The following TTC28 variants were observed in gnomAD, a reference collection of about 807,000 sequenced individuals.
TTC28 encodes the protein tetratricopeptide repeat domain 28.
In TTC28, 61 loss-of-function variants were observed where a neutral mutation model predicts 198.0. The ratio of observed to expected loss-of-function variants is 0.31; its 90% CI spans 0.25 to 0.38. TTC28 has a LOEUF of 0.38. TTC28 is among the 10% of genes least tolerant of loss of function. TTC28 has a pLI of 1.00. For missense variants in TTC28, 2,678 were observed against 3,164.0 expected (o/e 0.85, Z 3.69); for synonymous variants, 1,171 against 1,297.8 (o/e 0.90, Z 2.10).
In TTC28 at chr22:28,502,456, C is replaced by T. The variant is rs569262583; in HGVS notation, c.381+127096G>A. Among the ~76,000 whole-genome samples, 9 of 147,780 alleles carry T rather than the reference C, an allele frequency of 6.1e-5. No homozygotes were observed. The South Asian group carries it at 1.3e-3, about 22-fold the overall frequency. On this transcript the variant is annotated intron_variant, in intron 2 of 22. Coordinates refer to ENST00000397906, the MANE Select transcript of TTC28 (RefSeq NM_001145418.2). The stretch of plus-strand genomic sequence containing the variant: ...GAGATCGAGACCATCCTGGCTAACA[C>T]GGTGAAACCCTGTCTCTACTAAAAA...
At chr22:28,332,606 C>T (rs2045634384) in intron 2 of TTC28, among the ~76,000 whole-genome samples, 1 of 152,002 alleles carries the variant, frequency 6.6e-6, no homozygotes, top group African/African-American at 2.4e-5. Flanking sequence ...CATGGTGAAA[C>T]AAGAGAACCA....
intron 2 of TTC28, among the ~76,000 whole-genome samples, chr22:28,501,594 G>A (rs1046512714): frequency 2.6e-5 from 4 of 152,064 alleles, no homozygotes; most frequent in Admixed American, 2.6e-4. Flanking sequence ...CAAGGTAATA[G>A]ATATCCCAAA....
chr22:28,520,503 A>C lies in TTC28; in HGVS notation c.381+109049T>G, dbSNP rs73882774. On this transcript the variant is annotated intron_variant, in intron 2 of 22. Transcript: ENST00000397906. ...AACTACTGATTTCAGGTAGGATAGA[A>C]TCATCTGTGGCAGACCAACTCACCT... 3.2e-3 allele frequency among the ~76,000 whole-genome samples: 480 copies of C among 152,336 alleles called. 6 individuals are homozygous for C. Among genetic ancestry groups the C allele is most frequent in the African/African-American group, 0.011 (458 of 41,572 alleles).
Position 28,004,503 on chromosome 22 carries a change from A to G in TTC28, c.4219-2950T>C, listed in dbSNP as rs147907741. Among the ~76,000 whole-genome samples the G allele has an allele frequency of 4.2e-3, 640 of 152,276 alleles. 1 individual carries two copies. The highest frequency in any genetic ancestry group is 0.014 in the Middle Eastern group (4 of 294). ...GCTGTTCTCTGAACCTCATATCCCAATTTGGAGGTCTGGGTCCTCCCTGCA... is the reference window on the plus strand; with the variant it reads ...GCTGTTCTCTGAACCTCATATCCCAGTTTGGAGGTCTGGGTCCTCCCTGCA... On this transcript the variant is annotated intron_variant, in intron 14 of 22. Transcript: ENST00000397906.
At chr22:28,418,468 C>T (rs2047198621) in intron 2 of TTC28, among the ~76,000 whole-genome samples, 1 of 152,294 alleles carries the variant, frequency 6.6e-6, no homozygotes, top group Admixed American at 6.5e-5. Flanking sequence ...AAATTCTCAG[C>T]AATATGACTT....
intron 2 of TTC28, among the ~76,000 whole-genome samples, chr22:28,627,354 G>A (rs1012544441): frequency 5.9e-5 from 9 of 151,988 alleles, no homozygotes; most frequent in African/African-American, 2.2e-4. Context: ...ATTAATGGAG[G>A]AACAGGAATG....
At chr22:28,106,977 G>A in intron 7 of TTC28, 85 bp downstream of exon 7, 1 of 1,456,712 alleles carries the variant, frequency 6.9e-7, no homozygotes, top group Non-Finnish European at 9.1e-7. Flanking sequence ...TTAACAAACT[G>A]CCATGCAGAC....
At chr22:28,236,714 A>G (rs1307553643) in intron 5 of TTC28, among the ~76,000 whole-genome samples, 1 of 152,208 alleles carries the variant, frequency 6.6e-6, no homozygotes, top group Admixed American at 6.6e-5. Flanking sequence ...TGAGGAAAAG[A>G]AAATTATTAT....
chr22:28,146,680 T>C (rs117467806), intron 6 of TTC28, among the ~76,000 whole-genome samples: 1 of 152,208 alleles, frequency 6.6e-6, no homozygotes, highest in South Asian at 2.1e-4. Context: ...GCTGTCTTTG[T>C]CTTATTCGGG....
At chr22:28,611,481 G>A in intron 2 of TTC28, among the ~76,000 whole-genome samples, 1 of 142,968 alleles carries the variant, frequency 7.0e-6, no homozygotes, top group Non-Finnish European at 1.5e-5. Context: ...CATAGGTGAA[G>A]GAGAAATAAA....
Position 28,422,749 on chromosome 22 carries a change from A to G in TTC28, c.382-116106T>C, listed in dbSNP as rs541749058. On this transcript the variant is annotated intron_variant, in intron 2 of 22. Transcript: ENST00000397906. ...CGTGAGCCACCGCACCCAGCCAAAT[A>G]AGTTAATTTTTATTCATACCTCTAT... Among the ~76,000 whole-genome samples the G allele has an allele frequency of 7.9e-5, 12 of 152,186 alleles. No homozygotes were observed. The South Asian group carries it at 2.5e-3, about 32-fold the overall frequency.
chr22:28,350,792 G>A (rs2045982207), intron 2 of TTC28, among the ~76,000 whole-genome samples: 1 of 152,184 alleles, frequency 6.6e-6, no homozygotes, highest in Non-Finnish European at 1.5e-5. Context: ...CCCCTTGCCT[G>A]ACTTTAGATC....
At chr22:28,477,598 G>C (rs988650436) in intron 2 of TTC28, among the ~76,000 whole-genome samples, 1 of 152,164 alleles carries the variant, frequency 6.6e-6, no homozygotes, top group Non-Finnish European at 1.5e-5. Context: ...AAACAAGATG[G>C]AAAAGAAAAT....
At chr22:28,211,306 T>C (rs1445878071) in intron 5 of TTC28, among the ~76,000 whole-genome samples, 6 of 152,016 alleles carry the variant, frequency 3.9e-5, no homozygotes, top group East Asian at 1.9e-4. Flanking sequence ...TGTAAATGGG[T>C]TAAATGCTCC....
intron 5 of TTC28, among the ~76,000 whole-genome samples, chr22:28,285,389 G>A (rs1601580332): frequency 6.6e-6 from 1 of 152,178 alleles, no homozygotes; most frequent in East Asian, 1.9e-4. Context: ...GAGTAGAACA[G>A]TGGTTGCCAG....
chr22:28,457,004 T>C (rs960388478), intron 2 of TTC28, among the ~76,000 whole-genome samples: 2 of 152,236 alleles, frequency 1.3e-5, no homozygotes, highest in African/African-American at 2.4e-5. Flanking sequence ...GTTTATTTTA[T>C]TTATGGGCAT....
At chr22:28,644,571 C>T (rs2051424599) in intron 1 of TTC28, among the ~76,000 whole-genome samples, 1 of 151,762 alleles carries the variant, frequency 6.6e-6, no homozygotes, top group African/African-American at 2.4e-5. Flanking sequence ...CGCCTATAAT[C>T]CCCAGCACTT....
At chr22:28,411,624 G>C (rs1350458334) in intron 2 of TTC28, among the ~76,000 whole-genome samples, 1 of 152,058 alleles carries the variant, frequency 6.6e-6, no homozygotes, top group Non-Finnish European at 1.5e-5. Flanking sequence ...GGAAAGTACT[G>C]GTTTCACAGC....
chr22:28,433,107 C>T (rs1407765477), intron 2 of TTC28, among the ~76,000 whole-genome samples: 1 of 152,132 alleles, frequency 6.6e-6, no homozygotes, highest in Non-Finnish European at 1.5e-5. Flanking sequence ...ACAAAGAGCA[C>T]ACAAATGTTA....
Sources: allele counts gnomAD v4.1 joint callset (sites outside exome capture counted in the v4.1 genomes callset), GRCh38; gene constraint gnomAD v4.1.1; transcripts MANE v1.5; gene names NCBI Gene and HGNC (gene_info 2026-07-23, HGNC 2026-07-21).